The following TMPRSS15 variants were observed in gnomAD, a reference collection of about 807,000 sequenced individuals.
TMPRSS15 encodes enteropeptidase.
Under a neutral mutation model 125.3 loss-of-function variants are expected in TMPRSS15, and 128 were observed. That is an observed-to-expected ratio of 1.02 (90% CI 0.89 to 1.18). The LOEUF is 1.18. TMPRSS15 is among the 50% of genes most tolerant of loss of function. The pLI, the probability that TMPRSS15 is intolerant of heterozygous loss-of-function variation, is 0.00. For missense variants in TMPRSS15, 1,283 were observed against 1,212.7 expected (o/e 1.06, Z -0.86); for synonymous variants, 446 against 423.2 (o/e 1.05, Z -0.66).
intron 18 of TMPRSS15, 81 bp downstream of exon 18, chr21:18,312,864 T>C: frequency 6.5e-7 from 1 of 1,545,980 alleles, no homozygotes; most frequent in Non-Finnish European, 8.9e-7. Context: ...TTATAAATTT[T>C]AAAGCTCTTA....
At chr21:18,303,070 T>C (rs1032484615) in intron 18 of TMPRSS15, among the ~76,000 whole-genome samples, 2 of 152,174 alleles carry the variant, frequency 1.3e-5, no homozygotes, top group African/African-American at 4.8e-5. Flanking sequence ...TTGGAACTGT[T>C]AGCATTTATC....
At position 18,313,087 on chromosome 21, in the gene TMPRSS15, CAGAG is replaced by C. The variant is rs772560060; in HGVS notation, c.2033-14_2033-11del. On this transcript the variant is annotated splice_polypyrimidine_tract_variant and intron_variant, in intron 17 of 24. Transcript: ENST00000284885. ...CCATTGAAAAAACGCACTAAAGACA[CAGAG>C]AGCATAATGGTAGTTACCAGAGACT... is the stretch of plus-strand genomic sequence containing the variant. The C allele has an allele frequency of 6.2e-7, 1 of 1,603,082 alleles. No individual in the cohort carries two copies. The highest frequency in any genetic ancestry group is 2.2e-5 in the East Asian group (1 of 44,802).
intron 19 of TMPRSS15, among the ~76,000 whole-genome samples, chr21:18,295,943 G>A (rs966625717): frequency 2.1e-4 from 32 of 152,142 alleles, no homozygotes; most frequent in African/African-American, 6.8e-4. Context: ...ACGAGGTCAG[G>A]AGATCGAGAC....
At chr21:18,414,185 A>C (rs548462163) in intron 1 of TMPRSS15, among the ~76,000 whole-genome samples, 1 of 152,054 alleles carries the variant, frequency 6.6e-6, no homozygotes, top group African/African-American at 2.4e-5. Context: ...CTCCATTTTT[A>C]ACAGTTTTTT....
At chr21:18,403,358 T>G (rs80093466) in intron 1 of TMPRSS15, 120 bp downstream of exon 1, 146,254 of 1,352,376 alleles carry the variant, frequency 0.11, 8,800 homozygotes, top group Non-Finnish European at 0.12. Context: ...AATATTAGAT[T>G]GAAAGCCCAA....
intron 1 of TMPRSS15, among the ~76,000 whole-genome samples, chr21:18,423,796 C>A (rs1450556079): frequency 1.3e-5 from 2 of 152,046 alleles, no homozygotes; most frequent in East Asian, 1.9e-4. Context: ...CTCTATGAAA[C>A]TGAGAAAATA....
chr21:18,337,495 T>A (rs950141934), intron 13 of TMPRSS15, among the ~76,000 whole-genome samples: 1 of 152,234 alleles, frequency 6.6e-6, no homozygotes, highest in Non-Finnish European at 1.5e-5. Flanking sequence ...TCTTAAAGTG[T>A]ACTCAGCGCA....
At chr21:18,373,983 T>C (rs1245357726) in intron 5 of TMPRSS15, among the ~76,000 whole-genome samples, 3 of 152,184 alleles carry the variant, frequency 2.0e-5, no homozygotes, top group Non-Finnish European at 4.4e-5. Flanking sequence ...GGGGAAATTG[T>C]TTATGTACAA....
chr21:18,402,083 C>T (rs1229219354), intron 1 of TMPRSS15, among the ~76,000 whole-genome samples: 3 of 151,906 alleles, frequency 2.0e-5, no homozygotes, highest in African/African-American at 4.8e-5. Flanking sequence ...AAATATAGCC[C>T]GTGTGTATGT....
chr21:18,351,929 T>G (rs1026009889), intron 10 of TMPRSS15, among the ~76,000 whole-genome samples: 1 of 152,146 alleles, frequency 6.6e-6, no homozygotes, highest in Non-Finnish European at 1.5e-5. Flanking sequence ...TTACTGTATA[T>G]GACCTGTATC....
intron 1 of TMPRSS15, among the ~76,000 whole-genome samples, chr21:18,427,644 T>C (rs1162435487): frequency 2.6e-5 from 4 of 152,180 alleles, no homozygotes; most frequent in African/African-American, 9.7e-5. Flanking sequence ...TGACTGAGCA[T>C]TTATATTTTA....
chr21:18,446,684 T>C (rs538072710), intron 1 of TMPRSS15, among the ~76,000 whole-genome samples: 1 of 152,198 alleles, frequency 6.6e-6, no homozygotes, highest in East Asian at 1.9e-4. Context: ...AAACACACAT[T>C]AAGGAAAAAG....
intron 8 of TMPRSS15, among the ~76,000 whole-genome samples, chr21:18,355,160 C>T (rs530712606): frequency 4.7e-4 from 72 of 151,966 alleles, no homozygotes; most frequent in African/African-American, 1.6e-3. Context: ...TACTGAAAAC[C>T]TTTGGAGTTC....
At chr21:18,423,347 T>C (rs1397607004) in intron 1 of TMPRSS15, among the ~76,000 whole-genome samples, 2 of 152,144 alleles carry the variant, frequency 1.3e-5, no homozygotes, top group Non-Finnish European at 2.9e-5. Context: ...CCATACCCTT[T>C]TTGTTCTTTG....
intron 1 of TMPRSS15, among the ~76,000 whole-genome samples, chr21:18,459,398 C>T (rs932435696): frequency 1.3e-5 from 2 of 151,902 alleles, no homozygotes; most frequent in African/African-American, 2.4e-5. Flanking sequence ...CTCAGCCTCT[C>T]GAGTAGCTGG....
At chr21:18,418,366 G>C (rs150633387) in intron 1 of TMPRSS15, among the ~76,000 whole-genome samples, 1 of 152,304 alleles carries the variant, frequency 6.6e-6, no homozygotes, top group South Asian at 2.1e-4. Context: ...AGTGGAAAGA[G>C]AATGTCATTC....
intron 1 of TMPRSS15, among the ~76,000 whole-genome samples, chr21:18,445,933 A>G (rs2076254909): frequency 6.6e-6 from 1 of 152,234 alleles, no homozygotes; most frequent in African/African-American, 2.4e-5. Context: ...CTTGTATTCA[A>G]AATAATACTG....
At chr21:18,470,400 C>A (rs187948178) in intron 1 of TMPRSS15, among the ~76,000 whole-genome samples, 152 of 152,034 alleles carry the variant, frequency 1.0e-3, no homozygotes, top group African/African-American at 3.6e-3. Context: ...CTATGAACTA[C>A]AAATTTCTAT....
intron 1 of TMPRSS15, among the ~76,000 whole-genome samples, chr21:18,417,961 G>A (rs1242867475): frequency 6.6e-6 from 1 of 152,112 alleles, no homozygotes; most frequent in East Asian, 1.9e-4. Flanking sequence ...TGTTTCACAA[G>A]GAATTTGTTC....
Sources: allele counts gnomAD v4.1 joint callset (sites outside exome capture counted in the v4.1 genomes callset), GRCh38; gene constraint gnomAD v4.1.1; transcripts MANE v1.5; gene names NCBI Gene and HGNC (gene_info 2026-07-23, HGNC 2026-07-21).